The following DST variants were observed in gnomAD, a reference collection of about 807,000 sequenced individuals.
DST encodes the protein bullous pemphigoid antigen.
A neutral mutation model predicts 875.2 loss-of-function variants in DST; 253 were observed. The observed-to-expected ratio is 0.29, with a 90% CI of 0.26 to 0.32. The LOEUF (loss-of-function observed/expected upper bound fraction) is 0.32, where lower values mean the gene tolerates loss of function less well. Among genes scored for constraint, DST ranks in the 10% least tolerant of loss-of-function variants. The probability of loss-of-function intolerance (pLI) is 1.00; values close to 1 mark genes in which losing one functional copy is unlikely to be tolerated. For missense variants in DST, 8,287 were observed against 9,111.6 expected (o/e 0.91, Z 3.68); for synonymous variants, 3,124 against 3,197.1 (o/e 0.98, Z 0.77).
chr6:56,798,525 A>G (rs1174576629), intron 4 of DST, among the ~76,000 whole-genome samples: 1 of 152,212 alleles, frequency 6.6e-6, no homozygotes, highest in East Asian at 1.9e-4. Flanking sequence ...TATTACTGCT[A>G]TTGGCAATGT....
rs149227217 is a variant in DST, at chr6:56,838,696, T to C, written c.625+12701A>G. On this transcript the variant is annotated intron_variant, in intron 4 of 103. Coordinates refer to ENST00000680361, the MANE Select transcript of DST (RefSeq NM_001374736.1). ...AGTAGAAGTTTAAAATTAAATTCAC[T>C]AACAATACCTAATAATTTCCCACAT... Among the ~76,000 whole-genome samples the C allele has an allele frequency of 1.8e-3, 277 of 152,334 alleles. 1 individual carries two copies. Among genetic ancestry groups the C allele is most frequent in the African/African-American group, 6.1e-3 (252 of 41,580 alleles).
At chr6:56,861,769 T>A (rs887157533) in intron 3 of DST, 1 of 152,228 alleles carries the variant, frequency 6.6e-6, no homozygotes, top group African/African-American at 2.4e-5. Flanking sequence ...GAGGTGGGCA[T>A]AACCTGGAGG....
At chr6:56,683,554 T>G (rs889663153) in intron 9 of DST, among the ~76,000 whole-genome samples, 38 of 152,304 alleles carry the variant, frequency 2.5e-4, no homozygotes, top group Non-Finnish European at 4.7e-4. Flanking sequence ...TGGAACATTC[T>G]CCCCATGCTC....
At chr6:56,569,760 C>T in intron 54 of DST, 96 bp downstream of exon 54, 2 of 1,140,908 alleles carry the variant, frequency 1.8e-6, no homozygotes, top group Non-Finnish European at 2.5e-6. Context: ...GAGGATAAAA[C>T]TTAGATGATA....
At chr6:56,487,073 A>G (rs534066484) in intron 87 of DST, 31 bp downstream of exon 87, 1 of 1,610,380 alleles carries the variant, frequency 6.2e-7, no homozygotes. Context: ...AGGTCTACAG[A>G]GTAACCAAAC....
intron 5 of DST, among the ~76,000 whole-genome samples, chr6:56,705,957 ATACT>A (rs1193672672): frequency 2.0e-5 from 3 of 152,252 alleles, no homozygotes; most frequent in African/African-American, 7.2e-5. Flanking sequence ...AAGTTTAAAA[ATACT>A]TTATTTAGCC....
At chr6:56,633,517 C>G (rs1171373855) in intron 27 of DST, among the ~76,000 whole-genome samples, 1 of 150,778 alleles carries the variant, frequency 6.6e-6, no homozygotes, top group Non-Finnish European at 1.5e-5. Flanking sequence ...TGAGCCACCG[C>G]GCCCGGCCGA....
chr6:56,692,676 T>C (rs2099238926), intron 9 of DST: 1 of 1,289,668 alleles, frequency 7.8e-7, no homozygotes, highest in Non-Finnish European at 1.0e-6. Flanking sequence ...CATCTAAATG[T>C]TTCTTCCTCT....
At chr6:56,843,701 AGGGAGGAGGGTGGAGGGTGGAGGGTG>A in intron 4 of DST, 1 of 686,234 alleles carries the variant, frequency 1.5e-6, no homozygotes, top group Non-Finnish European at 1.7e-6. Flanking sequence ...GGAGAGAGGG[AGGGAGGAGGGTGGAGGGTGGAGGGTG>A]GAGAGTGGAG....
intron 2 of DST, among the ~76,000 whole-genome samples, chr6:56,938,076 C>G (rs1389725815): frequency 2.5e-5 from 2 of 78,698 alleles, no homozygotes; most frequent in Non-Finnish European, 4.9e-5. Flanking sequence ...ACACCTCTCT[C>G]TCTCTTTCTC....
intron 10 of DST, among the ~76,000 whole-genome samples, chr6:56,665,038 T>C (rs2152818826): frequency 6.6e-6 from 1 of 152,338 alleles, no homozygotes; most frequent in East Asian, 1.9e-4. Context: ...TCATTCTTAC[T>C]ACCCCATTAC....
intron 4 of DST, among the ~76,000 whole-genome samples, chr6:56,741,870 A>G (rs551911843): frequency 5.6e-4 from 85 of 152,326 alleles, no homozygotes; most frequent in Non-Finnish European, 9.6e-4. Context: ...CAATAAAAAT[A>G]TATATTTATA....
intron 98 of DST, chr6:56,467,590 T>A (rs2094645050): frequency 6.6e-6 from 1 of 152,142 alleles, no homozygotes; most frequent in Non-Finnish European, 1.5e-5. Flanking sequence ...AAGGAGGGGA[T>A]TTAAAGAAAA....
At chr6:56,836,542 G>T (rs980126030) in intron 4 of DST, among the ~76,000 whole-genome samples, 5 of 152,120 alleles carry the variant, frequency 3.3e-5, no homozygotes, top group Non-Finnish European at 5.9e-5. Context: ...CATATTTGCT[G>T]AAGTTTATGT....
At chr6:56,812,378 C>T (rs2099761476) in intron 4 of DST, among the ~76,000 whole-genome samples, 1 of 151,996 alleles carries the variant, frequency 6.6e-6, no homozygotes, top group South Asian at 2.1e-4. Context: ...ATAACTCATT[C>T]TAATTAAGAT....
chr6:56,562,274 T>A, intron 55 of DST, 74 bp from the exon 56 acceptor site: 1 of 984,884 alleles, frequency 1.0e-6, no homozygotes, highest in South Asian at 2.0e-5. Flanking sequence ...TGGCATTAAA[T>A]CAAACCCCAT....
chr6:56,532,421 T>C lies in DST; in HGVS notation c.17031A>G (p.Ala5677=). 3 of 1,613,548 alleles carry C rather than the reference T, an allele frequency of 1.9e-6. No homozygotes were observed. The stretch of plus-strand genomic sequence containing the variant: ...GCTGTTTCAAAATCTTCACTTTATC[T>C]GCGGGCTCTGCTGTTGTAGCAATTT... ...GEKIATTAEP[A]DKVKILKQLS... Residue 5677 remains alanine, a synonymous_variant, in exon 64 of 104, where the codon GCA becomes GCG. Transcript: ENST00000680361.
intron 49 of DST, among the ~76,000 whole-genome samples, chr6:56,585,751 T>C (rs1025916007): frequency 2.0e-5 from 3 of 151,686 alleles, no homozygotes; most frequent in African/African-American, 4.9e-5. Context: ...AATTTCCCTC[T>C]ACACACTGCT....
rs769107616 is a variant in DST at position 56,607,585 on chromosome 6, G to A, written c.7043C>T (p.Thr2348Ile). Residue 2348 changes from threonine (T) to isoleucine (I), a missense_variant, in exon 40 of 104, where the codon ACA becomes ATA. Physicochemically the swap from Thr to Ile is moderately conservative, Grantham distance 89. Around this residue, in one of 10 missense-constraint regions of DST, gnomAD observed 3,138 missense variants for 3,116.6 expected, o/e 1.01. Transcript: ENST00000680361. The part of the protein sequence containing the change: ...VCVPSLISYL[T>I]QTELADISML... ...GCTAATGTCTGCAAGTTCAGTCTGT[G>A]TTAAATATGATATGAGACTGGGAAC... 1 of 1,612,776 alleles carries A rather than the reference G, an allele frequency of 6.2e-7. No individual in the cohort carries two copies. Among genetic ancestry groups the A allele is most frequent in the Non-Finnish European group, 8.5e-7 (1 of 1,179,364 alleles).
Sources: gnomAD v4.1 joint callset for allele counts (sites outside exome capture counted in the v4.1 genomes callset) on GRCh38, gnomAD v4.1.1 for gene constraint, gnomAD v4.1.1 regional missense constraint, MANE v1.5 for transcripts, NCBI Gene and HGNC (gene_info 2026-07-23, HGNC 2026-07-21) for gene names.